Variants in DNAH8 observed in about 807,000 individuals in gnomAD.
DNAH8 encodes axonemal beta dynein heavy chain 8.
DNAH8 carries 382 observed loss-of-function variants against 562.1 expected under a neutral mutation model. The ratio of observed to expected loss-of-function variants is 0.68; its 90% CI spans 0.63 to 0.74. The LOEUF (loss-of-function observed/expected upper bound fraction) is 0.74. DNAH8 is among the 30% of genes least tolerant of loss of function. DNAH8 has a pLI of 0.00. For missense variants in DNAH8, 5,203 were observed against 5,620.4 expected (o/e 0.93, Z 2.37); for synonymous variants, 1,881 against 1,919.4 (o/e 0.98, Z 0.52).
At chr6:38,783,250 C>A (rs1768823027) in intron 17 of DNAH8, 111 bp downstream of exon 17, 2 of 897,240 alleles carry the variant, frequency 2.2e-6, no homozygotes. Flanking sequence ...AGGATAGTTA[C>A]AATTTAGATT....
intron 88 of DNAH8, among the ~76,000 whole-genome samples, chr6:39,001,893 A>G (rs1310597344): frequency 1.3e-5 from 2 of 152,066 alleles, no homozygotes; most frequent in Non-Finnish European, 1.5e-5. Flanking sequence ...GGCAGTGGGG[A>G]TGACGGTGGG....
rs555553069 is a variant in DNAH8, at chr6:38,873,682, GTAAT to G, written c.7620+314_7620+317del. On this transcript the variant is annotated intron_variant, in intron 52 of 92. Transcript: ENST00000327475. ...TAATAATGACAGTCAATAAAATATA[GTAAT>G]TAATTAAATTTTAAAATAAATAAAA... is the stretch of plus-strand genomic sequence containing the variant. Among the ~76,000 whole-genome samples, 834 of 149,768 alleles carry G rather than the reference GTAAT, an allele frequency of 5.6e-3. 3 individuals carry two copies. Among genetic ancestry groups the G allele is most frequent in the Non-Finnish European group, 7.0e-3 (476 of 67,586 alleles).
At position 38,722,971 on chromosome 6, in the gene DNAH8, T is replaced by C; in HGVS notation, c.162T>C (p.Ala54=). The C allele has an allele frequency of 6.2e-7, 1 of 1,612,858 alleles. No homozygotes were observed. Among genetic ancestry groups the C allele is most frequent in the Non-Finnish European group, 8.5e-7 (1 of 1,179,878 alleles). ...GTTTCTCTCCTTCCGCAGAAGATGC[T>C]GTTTCTTCTGTGGTGGATTATCGGG... ...EDGFSPSAED[A]VSSVVDYRDL... The change falls in exon 2 of 93, where the codon GCT becomes GCC. Residue 54 remains alanine (A), a synonymous_variant. Transcript: ENST00000327475.
At chr6:38,950,313 T>G (rs1761789724) in intron 81 of DNAH8, among the ~76,000 whole-genome samples, 1 of 152,026 alleles carries the variant, frequency 6.6e-6, no homozygotes, top group Admixed American at 6.6e-5. Context: ...TGAAGCAATT[T>G]TTTCTTTTCT....
chr6:38,887,079 CAAAA>C (rs1301888646), intron 57 of DNAH8, 75 bp downstream of exon 57: 5 of 1,075,942 alleles, frequency 4.6e-6, no homozygotes, highest in Non-Finnish European at 6.9e-6. Flanking sequence ...ATTTAAGAGA[CAAAA>C]AGGCTCTGTC....
In DNAH8 at chr6:38,775,767, T is replaced by C; in HGVS notation, c.1778T>C (p.Ile593Thr). The C allele has an allele frequency of 6.3e-7, 1 of 1,588,054 alleles. No individual in the cohort carries two copies. The highest frequency in any genetic ancestry group is 1.1e-5 in the South Asian group (1 of 89,194). ...CKRLEKITEM[I>T]TVVQTYSTLS... ...TCTCTTTTTAAGATTACAGAAATGATAACTGTTGTGCAAACATATTCAACC... is the reference window on the plus strand; with the variant it reads ...TCTCTTTTTAAGATTACAGAAATGACAACTGTTGTGCAAACATATTCAACC... Residue 593 changes from isoleucine to threonine, a missense_variant, in exon 13 of 93, where the codon ATA (isoleucine) becomes ACA (threonine). Ile to Thr is a moderately conservative substitution (Grantham distance 89). Coordinates refer to ENST00000327475, the MANE Select transcript of DNAH8 (RefSeq NM_001206927.2).
Position 38,723,018 on chromosome 6 carries a change from G to A in DNAH8, c.209G>A (p.Gly70Glu), listed in dbSNP as rs770020515. Residue 70 changes from glycine (G) to glutamate (E), a missense_variant, in exon 2 of 93, where the codon GGG becomes GAG. Gly to Glu is a moderately conservative substitution (Grantham distance 98). Coordinates refer to ENST00000327475, the MANE Select transcript of DNAH8 (RefSeq NM_001206927.2). ...CGGGATCTCATTCCTTCTGAAGAAG[G>A]GATAGTTCTTCCAGATGATCATGAA... ...DYRDLIPSEE[G>E]IVLPDDHEAD... 8.1e-6 allele frequency: 13 copies of A among 1,612,756 alleles called. No individual in the cohort carries two copies. Among genetic ancestry groups the A allele is most frequent in the Admixed American group, 1.7e-5 (1 of 60,008 alleles).
intron 82 of DNAH8, among the ~76,000 whole-genome samples, chr6:38,964,538 A>G (rs544828773): frequency 9.6e-4 from 145 of 151,542 alleles, no homozygotes; most frequent in Non-Finnish European, 1.8e-3. Flanking sequence ...ATTCCTCCTA[A>G]GAACATATTG....
intron 32 of DNAH8, 109 bp from the exon 33 acceptor site, chr6:38,837,833 C>G: frequency 1.3e-6 from 1 of 743,826 alleles, no homozygotes; most frequent in Non-Finnish European, 2.2e-6. Context: ...TATTTTATAG[C>G]TATTACTTAA....
At position 38,770,176 on chromosome 6, in the gene DNAH8, A is replaced by G. The variant is rs1000708480; in HGVS notation, c.1618-237A>G. On this transcript the variant is annotated intron_variant, in intron 11 of 92. Transcript: ENST00000327475. ...CCTCTTGGGAGTTCTAATTGTCATG[A>G]AAATGTAAAAACAAATAGTATATGG... Among the ~76,000 whole-genome samples the G allele has an allele frequency of 1.2e-4, 14 of 117,718 alleles. 1 individual carries two copies. Among genetic ancestry groups the G allele is most frequent in the Admixed American group, 3.2e-4 (3 of 9,466 alleles). 77.2% of individuals were successfully genotyped at this position (117,718 alleles called of 152,430 possible). A position where few individuals can be genotyped will look rare whatever the true frequency, so the allele number is the denominator to read the frequency against.
chr6:38,794,600 C>A (rs1311279503), intron 21 of DNAH8, among the ~76,000 whole-genome samples: 1 of 152,172 alleles, frequency 6.6e-6, no homozygotes, highest in Non-Finnish European at 1.5e-5. Flanking sequence ...CATTTGACTT[C>A]TATCACTGTA....
At position 38,974,376 on chromosome 6, in the gene DNAH8, C is replaced by G. The variant is rs1276203447; in HGVS notation, c.12681C>G (p.Thr4227=). 1.9e-6 allele frequency: 3 copies of G among 1,605,372 alleles called. No individual in the cohort carries two copies. In the African/African-American group the frequency reaches 4.0e-5, roughly 22 times the overall value. Residue 4227 remains threonine (T), a splice_region_variant and synonymous_variant, in exon 85 of 93, where the codon ACC becomes ACG. Transcript: ENST00000327475. The part of the protein sequence containing the change: ...HDRFPITLLQ[T]SLKFTNEPPQ... ...GCACTGTTTTCTTTTCATGACAGAC[C>G]TCTCTCAAATTCACTAATGAGCCAC...
chr6:38,968,223 G>A (rs1480839229), intron 82 of DNAH8, among the ~76,000 whole-genome samples: 1 of 152,078 alleles, frequency 6.6e-6, no homozygotes, highest in African/African-American at 2.4e-5. Flanking sequence ...AATCTTTGAG[G>A]CCGTGGATTA....
intron 82 of DNAH8, among the ~76,000 whole-genome samples, chr6:38,957,928 G>C (rs942197870): frequency 7.2e-6 from 1 of 138,218 alleles, no homozygotes; most frequent in African/African-American, 2.7e-5. Context: ...CAAGGAACTA[G>C]AAAGACAAGA....
chr6:38,726,322 C>T lies in DNAH8; in HGVS notation c.525+2851C>T, dbSNP rs115431427. 9.2e-3 allele frequency among the ~76,000 whole-genome samples: 1,399 copies of T among 152,296 alleles called. 20 individuals carry two copies. Among genetic ancestry groups the T allele is most frequent in the African/African-American group, 0.031 (1,283 of 41,552 alleles). ...GATGTGGGGGGGAGATGGGCATCTG[C>T]AGAACTGGTAGTCCAACTTTAAGTA... On this transcript the variant is annotated intron_variant, in intron 3 of 92. Transcript: ENST00000327475.
At chr6:38,810,160 A>G (rs1771666039) in intron 24 of DNAH8, among the ~76,000 whole-genome samples, 1 of 152,086 alleles carries the variant, frequency 6.6e-6, no homozygotes, top group South Asian at 2.1e-4. Flanking sequence ...TTTCTTCTCA[A>G]CATTCTTTTT....
chr6:38,882,691 C>A (rs1329856095), intron 53 of DNAH8, among the ~76,000 whole-genome samples: 1 of 151,938 alleles, frequency 6.6e-6, no homozygotes, highest in Non-Finnish European at 1.5e-5. Context: ...TATCCCTGAA[C>A]CTGAAAGTTT....
Position 38,723,054 on chromosome 6 carries a change from A to G in DNAH8, c.245A>G (p.Asn82Ser). The G allele has an allele frequency of 1.9e-6, 3 of 1,612,884 alleles. No homozygotes were observed. The highest frequency in any genetic ancestry group is 2.5e-6 in the Non-Finnish European group (3 of 1,179,882). ...VLPDDHEADL[N>S]RVRQRLAPRP... ...CCAGATGATCATGAAGCGGATCTGA[A>G]TAGAGTTCGACAGAGGCTTGCACCG... The change falls in exon 2 of 93, where the codon AAT (asparagine) becomes AGT (serine). Residue 82 changes from asparagine (N) to serine (S), a missense_variant. Asn to Ser is a conservative substitution (Grantham distance 46, BLOSUM62 1). This residue lies in a region of DNAH8 where 556 missense variants were observed against 496.9 expected (regional missense o/e 1.12). Coordinates refer to ENST00000327475, the MANE Select transcript of DNAH8 (RefSeq NM_001206927.2).
chr6:38,989,955 G>A (rs1764667233), intron 87 of DNAH8, 57 bp from the exon 88 acceptor site: 3 of 983,184 alleles, frequency 3.1e-6, no homozygotes, highest in Admixed American at 4.7e-5. Flanking sequence ...CTTTCTTGTA[G>A]CAGTTTTCAT....
Sources: allele counts gnomAD v4.1 joint callset (sites outside exome capture counted in the v4.1 genomes callset), GRCh38; gene constraint gnomAD v4.1.1; regional missense constraint gnomAD v4.1.1; transcripts MANE v1.5; gene names NCBI Gene and HGNC (gene_info 2026-07-23, HGNC 2026-07-21).